CAMK1D: variants seen among roughly 807,000 people sequenced by gnomAD.
CAMK1D encodes the protein calcium/calmodulin dependent protein kinase ID.
CAMK1D carries 9 observed loss-of-function variants against 47.7 expected under a neutral mutation model. The ratio of observed to expected loss-of-function variants is 0.19; its 90% CI spans 0.11 to 0.33. The LOEUF (loss-of-function observed/expected upper bound fraction) is 0.33. Among genes scored for constraint, CAMK1D ranks in the 10% least tolerant of loss-of-function variants. The pLI is 1.00. For synonymous variants in CAMK1D, 184 were observed against 184.9 expected (o/e 0.99, Z 0.04); for missense variants, 291 against 488.7 (o/e 0.60, Z 3.81).
intron 1 of CAMK1D, among the ~76,000 whole-genome samples, chr10:12,423,965 T>TC (rs369355952): frequency 3.3e-4 from 50 of 152,128 alleles, no homozygotes; most frequent in African/African-American, 1.2e-3. Flanking sequence ...CGTTGTTCGG[T>TC]CCCCCCATCC....
intron 1 of CAMK1D, among the ~76,000 whole-genome samples, chr10:12,515,430 C>CTTTTTTTTTTTTT (rs55728182): frequency 9.8e-5 from 9 of 92,244 alleles, no homozygotes; most frequent in South Asian, 3.7e-4. Context: ...TTTTTTTTTT[C>CTTTTTTTTTTTTT]ATTATACTTT....
chr10:12,630,165 C>T (rs1839335061), intron 2 of CAMK1D, among the ~76,000 whole-genome samples: 2 of 152,220 alleles, frequency 1.3e-5, no homozygotes, highest in Admixed American at 6.5e-5. Flanking sequence ...CCCTGATATT[C>T]GAAGCTGCTT....
chr10:12,678,053 G>T (rs762340459), intron 3 of CAMK1D, among the ~76,000 whole-genome samples: 9 of 151,542 alleles, frequency 5.9e-5, no homozygotes, highest in Non-Finnish European at 1.0e-4. Flanking sequence ...GGCATAATCT[G>T]GAGCCAGTCT....
chr10:12,349,844 G>C lies in CAMK1D; in HGVS notation c.26G>C (p.Ser9Thr). 1 of 1,529,930 alleles carries C rather than the reference G, an allele frequency of 6.5e-7. No homozygotes were observed. The highest frequency in any genetic ancestry group is 1.2e-5 in the South Asian group (1 of 85,440). 94.8% of individuals were successfully genotyped at this position (1,529,930 alleles called of 1,614,324 possible). A position where few individuals can be genotyped will look rare whatever the true frequency, so the allele number is the denominator to read the frequency against. MARENGESSSSWKKQAEDI... is the reference protein window; with the variant it reads MARENGESTSSWKKQAEDI... Reference sequence around the variant, plus strand: ...ATGGCCCGGGAGAACGGCGAGAGCAGCTCCTCCTGGAAAAAGCAAGCTGAA... The same window carrying C: ...ATGGCCCGGGAGAACGGCGAGAGCACCTCCTCCTGGAAAAAGCAAGCTGAA... Residue 9 changes from serine to threonine, a missense_variant, in exon 1 of 11, where the codon AGC becomes ACC. Ser to Thr is a moderately conservative substitution (Grantham distance 58, BLOSUM62 1). This residue lies in a region of CAMK1D where 219 missense variants were observed against 424.3 expected (regional missense o/e 0.52). Transcript: ENST00000619168.
chr10:12,609,369 C>A (rs1838557654), intron 2 of CAMK1D, among the ~76,000 whole-genome samples: 2 of 152,150 alleles, frequency 1.3e-5, no homozygotes, highest in Non-Finnish European at 2.9e-5. Context: ...CGAGATGATT[C>A]CAGCACATTA....
intron 3 of CAMK1D, among the ~76,000 whole-genome samples, chr10:12,686,264 A>T (rs910948831): frequency 6.6e-6 from 1 of 152,198 alleles, no homozygotes; most frequent in African/African-American, 2.4e-5. Context: ...TTGCGAAGAT[A>T]TGATGTTAAT....
chr10:12,515,410 T>C (rs1835169463), intron 1 of CAMK1D, among the ~76,000 whole-genome samples: 1 of 68,632 alleles, frequency 1.5e-5, no homozygotes, highest in Non-Finnish European at 3.0e-5. Context: ...TTCTTTTTTT[T>C]TTTTTTTCTT....
chr10:12,564,804 T>C (rs975016636), intron 2 of CAMK1D, among the ~76,000 whole-genome samples: 1 of 152,222 alleles, frequency 6.6e-6, no homozygotes, highest in African/African-American at 2.4e-5. Flanking sequence ...GCAATAGATG[T>C]AGTGTTTTTG....
At chr10:12,446,464 C>T (rs11257793) in intron 1 of CAMK1D, among the ~76,000 whole-genome samples, 44,908 of 151,936 alleles carry the variant, frequency 0.3, 7,041 homozygotes, top group African/African-American at 0.41. Context: ...GGGATTTGGC[C>T]GCTTCTTTAC....
At chr10:12,471,950 AC>A (rs1833759192) in intron 1 of CAMK1D, among the ~76,000 whole-genome samples, 1 of 150,798 alleles carries the variant, frequency 6.6e-6, no homozygotes. Context: ...TGGGAGGATC[AC>A]TTGAGCCCAG....
Position 12,670,363 on chromosome 10 carries a change from T to C in CAMK1D, c.299+3553T>C, listed in dbSNP as rs74533767. ...GTTCAGATCTTTCGCTCAATCTTTA[T>C]TGGATTATCATCACATTCTTGGGTT... On this transcript the variant is annotated intron_variant, in intron 3 of 10. Coordinates refer to ENST00000619168, the MANE Select transcript of CAMK1D (RefSeq NM_153498.4). Among the ~76,000 whole-genome samples, 869 of 152,286 alleles carry C rather than the reference T, an allele frequency of 5.7e-3. 6 individuals are homozygous for C. The highest frequency in any genetic ancestry group is 0.02 in the African/African-American group (812 of 41,544).
chr10:12,740,842 T>C (rs1019346525), intron 3 of CAMK1D, among the ~76,000 whole-genome samples: 5 of 152,198 alleles, frequency 3.3e-5, no homozygotes, highest in African/African-American at 1.2e-4. Flanking sequence ...AAGCGGTCAC[T>C]CACATCCCTT....
chr10:12,455,423 C>T (rs1212611556), intron 1 of CAMK1D, among the ~76,000 whole-genome samples: 3 of 152,216 alleles, frequency 2.0e-5, no homozygotes, highest in African/African-American at 7.2e-5. Context: ...GTTCGCCCGC[C>T]TTGGCCTTCC....
At chr10:12,501,476 CTCATTCCTGTGT>C (rs1247095161) in intron 1 of CAMK1D, among the ~76,000 whole-genome samples, 1 of 152,190 alleles carries the variant, frequency 6.6e-6, no homozygotes, top group Non-Finnish European at 1.5e-5. Flanking sequence ...TCACCATGTG[CTCATTCCTGTGT>C]TCATTCCTTT....
chr10:12,589,220 C>A (rs1837925244), intron 2 of CAMK1D, among the ~76,000 whole-genome samples: 1 of 152,126 alleles, frequency 6.6e-6, no homozygotes, highest in African/African-American at 2.4e-5. Flanking sequence ...CACCATGTTG[C>A]CCAGGCTGGG....
At chr10:12,712,734 G>A (rs1018410522) in intron 3 of CAMK1D, among the ~76,000 whole-genome samples, 2 of 152,100 alleles carry the variant, frequency 1.3e-5, no homozygotes, top group Admixed American at 6.5e-5. Context: ...GTGTATTTAG[G>A]GGTAGGGGAG....
At chr10:12,547,822 G>A (rs1174086719) in intron 1 of CAMK1D, among the ~76,000 whole-genome samples, 2 of 152,162 alleles carry the variant, frequency 1.3e-5, no homozygotes, top group Non-Finnish European at 2.9e-5. Context: ...TCTATTTATT[G>A]TGGGAACAAT....
At chr10:12,464,530 T>C (rs916568374) in intron 1 of CAMK1D, among the ~76,000 whole-genome samples, 1 of 152,096 alleles carries the variant, frequency 6.6e-6, no homozygotes, top group African/African-American at 2.4e-5. Context: ...AAAAGAGTGG[T>C]CAAGGCCGGG....
At chr10:12,508,473 G>A (rs1298028381) in intron 1 of CAMK1D, among the ~76,000 whole-genome samples, 1 of 152,204 alleles carries the variant, frequency 6.6e-6, no homozygotes, top group African/African-American at 2.4e-5. Flanking sequence ...GGACAATGGT[G>A]GTTACCAGGG....
Sources: allele counts gnomAD v4.1 joint callset (sites outside exome capture counted in the v4.1 genomes callset), GRCh38; gene constraint gnomAD v4.1.1; regional missense constraint gnomAD v4.1.1; transcripts MANE v1.5; gene names NCBI Gene and HGNC (gene_info 2026-07-23, HGNC 2026-07-21).